Variants in MSRA observed in about 807,000 individuals in gnomAD.
MSRA encodes the protein methionine sulfoxide reductase A, also known as mitochondrial peptide methionine sulfoxide reductase.
In MSRA, 54 loss-of-function variants were observed where a neutral mutation model predicts 31.3. The ratio of observed to expected loss-of-function variants is 1.73; its 90% confidence interval spans 1.39 to 2.17. MSRA has a LOEUF of 2.17. Ranked by LOEUF, MSRA falls within the 30% of genes most tolerant of loss-of-function variation. MSRA has a pLI of 0.00. For synonymous variants in MSRA, 169 were observed against 116.5 expected, an observed-to-expected ratio of 1.45 and a Z score of -2.90; for missense variants, 507 against 300.9, an observed-to-expected ratio of 1.69 and a Z score of -5.07.
chr8:10,255,491 C>T (rs1798128615), intron 3 of MSRA, among the ~76,000 whole-genome samples: 2 of 152,182 alleles, frequency 1.3e-5, no homozygotes. Flanking sequence ...TCCCTTCCCC[C>T]TCGGTCCCGG....
chr8:10,178,715 T>C (rs1178413057), intron 1 of MSRA, among the ~76,000 whole-genome samples: 1 of 152,192 alleles, frequency 6.6e-6, no homozygotes, highest in Non-Finnish European at 1.5e-5. Flanking sequence ...TAACCCAGGT[T>C]CATAAGTAGG....
intron 5 of MSRA, among the ~76,000 whole-genome samples, chr8:10,408,095 G>C (rs1236425914): frequency 6.6e-6 from 1 of 151,620 alleles, no homozygotes; most frequent in East Asian, 1.9e-4. Flanking sequence ...CAGGAAAACT[G>C]TGTCACCACA....
intron 5 of MSRA, among the ~76,000 whole-genome samples, chr8:10,336,198 G>A (rs1370012084): frequency 6.6e-6 from 1 of 152,104 alleles, no homozygotes; most frequent in Non-Finnish European, 1.5e-5. Flanking sequence ...TCTGCTGGCA[G>A]AAACACATTT....
intron 5 of MSRA, among the ~76,000 whole-genome samples, chr8:10,370,841 T>A (rs1020773172): frequency 6.6e-6 from 1 of 152,120 alleles, no homozygotes; most frequent in Non-Finnish European, 1.5e-5. Context: ...TCCAGATGAG[T>A]CAGCTTGGGG....
rs1803311663 is a variant in MSRA at position 10,339,883 on chromosome 8, G to A, written c.543+19894G>A. ...CAGGCTGTCTGATGACTAACGAGAG[G>A]GAACATAAGGACCCTATGGTCTGCC... is the stretch of plus-strand genomic sequence containing the variant. On this transcript the variant is annotated intron_variant, in intron 5 of 5. Transcript: ENST00000317173. Among the ~76,000 whole-genome samples the A allele has an allele frequency of 2.0e-5, 3 of 151,982 alleles. No individual in the cohort carries two copies. The South Asian group carries it at 6.2e-4, about 32-fold the overall frequency.
At chr8:10,415,114 G>T (rs915270913) in intron 5 of MSRA, among the ~76,000 whole-genome samples, 29 of 152,334 alleles carry the variant, frequency 1.9e-4, no homozygotes, top group African/African-American at 6.7e-4. Context: ...GAGCAAATGG[G>T]TGGTTGCACA....
intron 1 of MSRA, among the ~76,000 whole-genome samples, chr8:10,183,168 C>T (rs1330765661): frequency 3.3e-5 from 5 of 152,104 alleles, no homozygotes; most frequent in Non-Finnish European, 7.3e-5. Context: ...GGACTATTTG[C>T]CTTCCTAGAC....
At chr8:10,350,356 A>G (rs1804049585) in intron 5 of MSRA, among the ~76,000 whole-genome samples, 1 of 152,244 alleles carries the variant, frequency 6.6e-6, no homozygotes, top group Non-Finnish European at 1.5e-5. Context: ...GCATGCAGCC[A>G]GCAGTTAGAG....
chr8:10,402,633 A>G (rs191929322), intron 5 of MSRA, among the ~76,000 whole-genome samples: 6 of 152,326 alleles, frequency 3.9e-5, no homozygotes, highest in Admixed American at 6.5e-5. Flanking sequence ...GGAGAGGTGA[A>G]GGAGTATCCA....
At chr8:10,420,511 C>T (rs557522260) in intron 5 of MSRA, among the ~76,000 whole-genome samples, 9 of 152,256 alleles carry the variant, frequency 5.9e-5, no homozygotes, top group Middle Eastern at 6.8e-3. Context: ...GAGAGCCCAT[C>T]TGAGGCTGAA....
chr8:10,269,476 G>A (rs1798917664), intron 3 of MSRA, among the ~76,000 whole-genome samples: 2 of 152,180 alleles, frequency 1.3e-5, no homozygotes, highest in South Asian at 4.1e-4. Context: ...TTAATTCTTT[G>A]AATTTTCTGG....
intron 5 of MSRA, chr8:10,353,696 G>T: frequency 2.2e-6 from 1 of 455,736 alleles, no homozygotes; most frequent in South Asian, 1.6e-5. Flanking sequence ...GACTCTCCTT[G>T]TCTGTCCCTG....
At chr8:10,087,312 C>G (rs1376603732) in intron 1 of MSRA, among the ~76,000 whole-genome samples, 1 of 149,726 alleles carries the variant, frequency 6.7e-6, no homozygotes, top group Non-Finnish European at 1.5e-5. Context: ...GTGCTTCTAC[C>G]ACAGCTCATG....
rs564734462 is a variant in MSRA, at chr8:10,200,795, CAG to C, written c.143-7037_143-7036del. On this transcript the variant is annotated intron_variant, in intron 1 of 5. Transcript: ENST00000317173. ...TGAGGGACAAACACAACCAGAACCT[CAG>C]TGCCCCTGGGCATGTATGACTAGAG... is the stretch of plus-strand genomic sequence containing the variant. 1.9e-3 allele frequency among the ~76,000 whole-genome samples: 283 copies of C among 152,330 alleles called. 3 individuals are homozygous for C. The highest frequency in any genetic ancestry group is 6.5e-3 in the African/African-American group (270 of 41,576).
intron 5 of MSRA, among the ~76,000 whole-genome samples, chr8:10,380,813 G>A (rs1806021751): frequency 6.6e-6 from 1 of 151,888 alleles, no homozygotes; most frequent in African/African-American, 2.4e-5. Context: ...TGGATGGAGG[G>A]TTGGGTGGAG....
chr8:10,284,051 C>G (rs890829172), intron 3 of MSRA, among the ~76,000 whole-genome samples: 1 of 151,638 alleles, frequency 6.6e-6, no homozygotes, highest in Admixed American at 6.6e-5. Flanking sequence ...GGTAGTTCTA[C>G]TTTTAGTTTG....
intron 1 of MSRA, among the ~76,000 whole-genome samples, chr8:10,061,377 C>G (rs888462340): frequency 6.6e-6 from 1 of 152,176 alleles, no homozygotes; most frequent in Non-Finnish European, 1.5e-5. Context: ...ATTTGCCCTG[C>G]TCTAATTCCC....
intron 5 of MSRA, among the ~76,000 whole-genome samples, chr8:10,356,401 C>T (rs942556908): frequency 3.9e-5 from 6 of 152,208 alleles, no homozygotes; most frequent in Non-Finnish European, 8.8e-5. Context: ...CCCCTAAGAG[C>T]CTCTCCTCCA....
intron 2 of MSRA, among the ~76,000 whole-genome samples, chr8:10,241,203 CT>C (rs1405791112): frequency 6.6e-6 from 1 of 152,044 alleles, no homozygotes; most frequent in Non-Finnish European, 1.5e-5. Context: ...TCTTGAAGTG[CT>C]TTTTCCCATT....
Sources: allele counts gnomAD v4.1 joint callset (sites outside exome capture counted in the v4.1 genomes callset), GRCh38; gene constraint gnomAD v4.1.1; transcripts MANE v1.5; gene names NCBI Gene and HGNC (gene_info 2026-07-23, HGNC 2026-07-21).